Variants in GPX5 observed in about 807,000 individuals in gnomAD.
The protein encoded by GPX5 is epididymal secretory glutathione peroxidase.
Under a neutral mutation model 23.8 loss-of-function variants are expected in GPX5, and 20 were observed. The ratio of observed to expected loss-of-function variants is 0.84; its 90% CI spans 0.59 to 1.22. The LOEUF (loss-of-function observed/expected upper bound fraction) is 1.22. Ranked by LOEUF, GPX5 falls within the 50% of genes most tolerant of loss-of-function variation. The probability of loss-of-function intolerance (pLI) is 0.00; values close to 1 mark genes in which losing one functional copy is unlikely to be tolerated. For missense variants in GPX5, 230 were observed against 266.6 expected (o/e 0.86, Z 0.96); for synonymous variants, 92 against 99.5 (o/e 0.92, Z 0.45).
Position 28,534,458 on chromosome 6 carries a change from C to T in GPX5, c.*291C>T, listed in dbSNP as rs773523281. On this transcript the variant is annotated 3_prime_UTR_variant, in exon 5 of 5. Coordinates refer to ENST00000412168, the MANE Select transcript of GPX5 (RefSeq NM_001509.3). Reference sequence around the variant, plus strand: ...TACAGGTTGAATCATTCATATCCACCAGAGGGAAATCATCCTTCCACGACA... The same window carrying T: ...TACAGGTTGAATCATTCATATCCACTAGAGGGAAATCATCCTTCCACGACA... 4 of 319,226 alleles carry T rather than the reference C, an allele frequency of 1.3e-5. No homozygotes were observed. The highest frequency in any genetic ancestry group is 2.1e-5 in the African/African-American group (1 of 46,936). 19.8% of individuals were successfully genotyped at this position (319,226 alleles called of 1,614,324 possible). A position where few individuals can be genotyped will look rare whatever the true frequency, so the allele number is the denominator to read the frequency against.
chr6:28,529,728 A>T (rs1016403313), intron 2 of GPX5, 124 bp downstream of exon 2: 14 of 825,458 alleles, frequency 1.7e-5, no homozygotes, highest in African/African-American at 1.6e-4. Flanking sequence ...TAATCAAGTG[A>T]CTTCATCCTC....
intron 4 of GPX5, among the ~76,000 whole-genome samples, chr6:28,533,299 A>T (rs1763360738): frequency 6.6e-6 from 1 of 152,214 alleles, no homozygotes; most frequent in Non-Finnish European, 1.5e-5. Flanking sequence ...CCATGTTAAG[A>T]CTTTATATAT....
intron 1 of GPX5, among the ~76,000 whole-genome samples, chr6:28,528,827 A>G (rs370526308): frequency 0.038 from 7 of 186 alleles, no homozygotes; most frequent in South Asian, 0.25. Flanking sequence ...ATATATATAT[A>G]TATATATATA....
chr6:28,529,611 G>C lies in GPX5; in HGVS notation c.241+7G>C, dbSNP rs755851741. 1.9e-6 allele frequency: 3 copies of C among 1,589,186 alleles called. No individual in the cohort carries two copies. Among genetic ancestry groups the C allele is most frequent in the African/African-American group, 1.3e-5 (1 of 74,308 alleles). The stretch of plus-strand genomic sequence containing the variant: ...CTGACAGCGCAATATCCTGGTAAGA[G>C]AATTCATAGTTACTTCTCTTTGGGA... On this transcript the variant is annotated splice_region_variant and intron_variant, in intron 2 of 4. Transcript: ENST00000412168.
rs371340466 is a variant in GPX5, at chr6:28,531,880, T to A, written c.344T>A (p.Ile115Asn). ...CAAGAACCAGGAGATAACAAAGAGA[T>A]TCTTCCTGGGCTCAAGTACGTGTCT... ...GKQEPGDNKE[I>N]LPGLKYVRPG... is the part of the protein sequence containing the mutation. The change falls in exon 3 of 5, where the codon ATT (isoleucine) becomes AAT (asparagine). Residue 115 changes from isoleucine to asparagine, a missense_variant. By Grantham distance (149) the Ile-to-Asn change is moderately radical. Transcript: ENST00000412168. 1.7e-4 allele frequency: 269 copies of A among 1,612,616 alleles called. 3 individuals carry two copies. Among genetic ancestry groups the A allele is most frequent in the Middle Eastern group, 9.9e-4 (6 of 6,060 alleles).
At chr6:28,532,829 A>G (rs982871118) in intron 4 of GPX5, among the ~76,000 whole-genome samples, 2 of 152,196 alleles carry the variant, frequency 1.3e-5, no homozygotes, top group Non-Finnish European at 2.9e-5. Context: ...ACCATTAGCT[A>G]TGTAGCTGGG....
In GPX5 at chr6:28,534,251, A is replaced by G; in HGVS notation, c.*84A>G. 3 of 944,382 alleles carry G rather than the reference A, an allele frequency of 3.2e-6. No individual in the cohort carries two copies. Among genetic ancestry groups the G allele is most frequent in the African/African-American group, 3.3e-5 (2 of 60,242 alleles). 58.5% of individuals were successfully genotyped at this position (944,382 alleles called of 1,614,324 possible). ...ACCCCTCCAAAAAAAAGGAATACCC[A>G]TCTTCTCACCACACTCTCTTCCTGC... On this transcript the variant is annotated 3_prime_UTR_variant, in exon 5 of 5. Coordinates refer to ENST00000412168, the MANE Select transcript of GPX5 (RefSeq NM_001509.3).
rs1241350095 is a variant in GPX5 at position 28,534,686 on chromosome 6, T to A, written c.*519T>A. On this transcript the variant is annotated 3_prime_UTR_variant, in exon 5 of 5. Coordinates refer to ENST00000412168, the MANE Select transcript of GPX5 (RefSeq NM_001509.3). ...TGGCTCAGTTTTCATCCATGACACC[T>A]CCCCCTACCAGCCATTCTCCTGTGG... The A allele has an allele frequency of 6.6e-6, 1 of 152,402 alleles. No homozygotes were observed. Among genetic ancestry groups the A allele is most frequent in the Non-Finnish European group, 1.5e-5 (1 of 68,238 alleles). 9.4% of individuals were successfully genotyped at this position (152,402 alleles called of 1,614,324 possible).
chr6:28,526,260 T>C (rs554775148), intron 1 of GPX5, among the ~76,000 whole-genome samples, 160 bp downstream of exon 1: 6 of 152,286 alleles, frequency 3.9e-5, no homozygotes, highest in Non-Finnish European at 4.4e-5. Flanking sequence ...TTCATTCCTA[T>C]GGATGGGTAT....
intron 2 of GPX5, 112 bp downstream of exon 2, chr6:28,529,716 C>T (rs1183379506): frequency 6.8e-6 from 6 of 886,438 alleles, no homozygotes; most frequent in East Asian, 2.9e-5. Context: ...AATAAATACT[C>T]ATAATCAAGT....
intron 1 of GPX5, among the ~76,000 whole-genome samples, chr6:28,528,764 G>T (rs909206330): frequency 4.0e-5 from 6 of 148,364 alleles, no homozygotes; most frequent in African/African-American, 7.4e-5. Flanking sequence ...GTGGAGGGGG[G>T]AGTGTACATA....
At chr6:28,527,067 A>G (rs1189169884) in intron 1 of GPX5, 1 of 152,204 alleles carries the variant, frequency 6.6e-6, no homozygotes, top group African/African-American at 2.4e-5. Flanking sequence ...GGGCTGCAGA[A>G]TTTGCTTAAT....
At chr6:28,527,683 C>A (rs1396982737) in intron 1 of GPX5, 1 of 152,208 alleles carries the variant, frequency 6.6e-6, no homozygotes, top group Non-Finnish European at 1.5e-5. Context: ...CAGTTCCTTT[C>A]CACCTTTTTC....
At position 28,534,270 on chromosome 6, in the gene GPX5, T is replaced by A. The variant is rs1297388114; in HGVS notation, c.*103T>A. 3 of 726,058 alleles carry A rather than the reference T, an allele frequency of 4.1e-6. No homozygotes were observed. Among genetic ancestry groups the A allele is most frequent in the Non-Finnish European group, 6.5e-6 (3 of 462,422 alleles). 45.0% of individuals were successfully genotyped at this position (726,058 alleles called of 1,614,324 possible). On this transcript the variant is annotated 3_prime_UTR_variant, in exon 5 of 5. Transcript: ENST00000412168. ...ATACCCATCTTCTCACCACACTCTCTTCCTGCATGGGCTCCACCTGAGTAA... is the reference window on the plus strand; with the variant it reads ...ATACCCATCTTCTCACCACACTCTCATCCTGCATGGGCTCCACCTGAGTAA...
Position 28,529,544 on chromosome 6 carries a change from G to A in GPX5, c.181G>A (p.Gly61Ser). ...ATATGTTTCCTTCAAGCAGTATGTG[G>A]GCAAGCACATCCTCTTCGTCAACGT... ...NEYVSFKQYV[G>S]KHILFVNVAT... is the part of the protein sequence containing the mutation. Residue 61 changes from glycine (G) to serine (S), a missense_variant, in exon 2 of 5, where the codon GGC (glycine) becomes AGC (serine). Coordinates refer to ENST00000412168, the MANE Select transcript of GPX5 (RefSeq NM_001509.3). 6.2e-7 allele frequency: 1 copy of A among 1,612,952 alleles called. No homozygotes were observed. Among genetic ancestry groups the A allele is most frequent in the Non-Finnish European group, 8.5e-7 (1 of 1,179,196 alleles).
At position 28,529,486 on chromosome 6, in the gene GPX5, T is replaced by A. The variant is rs766825739; in HGVS notation, c.123T>A (p.Tyr41Ter). The change falls in exon 2 of 5, where the codon TAT becomes TAA. Residue 41 changes from tyrosine to a stop codon, truncating the protein, a stop_gained. Transcript: ENST00000412168. LOFTEE classifies it high-confidence loss of function. Reference protein sequence around the residue: ...DCHKDEKGTIYDYEAIALNKN... With the variant: ...DCHKDEKGTI Reference sequence around the variant, plus strand: ...ACAAAGACGAGAAAGGCACCATCTATGACTATGAGGCCATCGCACTTAATA... The same window carrying A: ...ACAAAGACGAGAAAGGCACCATCTAAGACTATGAGGCCATCGCACTTAATA... The A allele has an allele frequency of 1.9e-6, 3 of 1,612,680 alleles. No homozygotes were observed. Among genetic ancestry groups the A allele is most frequent in the East Asian group, 4.5e-5 (2 of 44,850 alleles).
At position 28,525,934 on chromosome 6, in the gene GPX5, G is replaced by C; in HGVS notation, c.-80G>C. The C allele has an allele frequency of 9.5e-7, 1 of 1,057,298 alleles. No homozygotes were observed. Among genetic ancestry groups the C allele is most frequent in the East Asian group, 2.4e-5 (1 of 42,424 alleles). 65.5% of individuals were successfully genotyped at this position (1,057,298 alleles called of 1,614,324 possible). On this transcript the variant is annotated 5_prime_UTR_variant, in exon 1 of 5. Transcript: ENST00000412168. ...ACTGGCCTGTGGGGGCTTGGGCTAA[G>C]TCCCTGCCAAGATACCAAAAGACTG...
chr6:28,531,413 A>G (rs1763318607), intron 2 of GPX5, among the ~76,000 whole-genome samples: 1 of 150,360 alleles, frequency 6.7e-6, no homozygotes. Context: ...AGAAAAGAAA[A>G]GAAAAGAAAA....
chr6:28,529,361 G>T, intron 1 of GPX5, 90 bp from the exon 2 acceptor site: 1 of 1,049,818 alleles, frequency 9.5e-7, no homozygotes, highest in Non-Finnish European at 1.3e-6. Flanking sequence ...ATCTTGGTTA[G>T]AACATAACTA....
Sources: allele counts gnomAD v4.1 joint callset (sites outside exome capture counted in the v4.1 genomes callset), GRCh38; gene constraint gnomAD v4.1.1; transcripts MANE v1.5; gene names NCBI Gene and HGNC (gene_info 2026-07-23, HGNC 2026-07-21).